Variants in BCAS3 observed in about 807,000 individuals in gnomAD.
BCAS3 encodes BCAS3 microtubule associated cell migration factor, also known as BCAS4/BCAS3 fusion.
Under a neutral mutation model 116.1 loss-of-function variants are expected in BCAS3, and 53 were observed. That is an observed-to-expected ratio of 0.46 (90% CI 0.37 to 0.57). The LOEUF (loss-of-function observed/expected upper bound fraction) is 0.57. BCAS3 is among the 20% of genes least tolerant of loss of function. BCAS3 has a pLI of 0.00. For synonymous variants in BCAS3, 391 were observed against 408.2 expected (o/e 0.96, Z 0.51); for missense variants, 917 against 1,165.4 (o/e 0.79, Z 3.10).
At chr17:60,776,590 G>A (rs946406938) in intron 6 of BCAS3, among the ~76,000 whole-genome samples, 2 of 151,892 alleles carry the variant, frequency 1.3e-5, no homozygotes, top group Admixed American at 6.6e-5. Context: ...ATGGTGGCGT[G>A]CACCTGTAAT....
Position 61,026,921 on chromosome 17 carries a change from G to T in BCAS3, c.1638-7745G>T, listed in dbSNP as rs1229948663. The T allele has an allele frequency of 1.3e-6, 2 of 1,597,798 alleles. No homozygotes were observed. Among genetic ancestry groups the T allele is most frequent in the Non-Finnish European group, 1.7e-6 (2 of 1,170,870 alleles). ...CATAAAAGCCCCATGGTGAGTTCCA[G>T]TTCAGTCCCGCATGCCTCATTCATT... On this transcript the variant is annotated intron_variant, in intron 16 of 23. Coordinates refer to ENST00000407086, the MANE Select transcript of BCAS3 (RefSeq NM_017679.5). The surrounding 1 kb of genome is among the most constrained non-coding windows in gnomAD (Gnocchi z 5.0).
intron 6 of BCAS3, among the ~76,000 whole-genome samples, chr17:60,772,257 G>A (rs1169857184): frequency 6.6e-6 from 1 of 152,032 alleles, no homozygotes; most frequent in African/African-American, 2.4e-5. Flanking sequence ...TCTAACTGGT[G>A]TGAGATGGTA....
In BCAS3 at chr17:61,302,401, C is replaced by T. The variant is rs919687577; in HGVS notation, c.2426-65926C>T. On this transcript the variant is annotated intron_variant, in intron 22 of 23. Coordinates refer to ENST00000407086, the MANE Select transcript of BCAS3 (RefSeq NM_017679.5). The surrounding 1 kb of genome is among the most constrained non-coding windows in gnomAD (Gnocchi z 4.4). ...TAGAATCTTCAACATGCTAACCACACTATTCCAATAATGAAATGCAAATTT... is the reference window on the plus strand; with the variant it reads ...TAGAATCTTCAACATGCTAACCACATTATTCCAATAATGAAATGCAAATTT... Among the ~76,000 whole-genome samples the T allele has an allele frequency of 6.6e-6, 1 of 152,168 alleles. No individual in the cohort carries two copies. Among genetic ancestry groups the T allele is most frequent in the African/African-American group, 2.4e-5 (1 of 41,426 alleles).
In BCAS3 at chr17:61,198,039, A is replaced by C. The variant is rs1225351835; in HGVS notation, c.2425+113475A>C. ...TAAGCTTGTTGGGGGCAAGAAAAGT[A>C]GGTCATCTTCATGTTTATATCCACT... On this transcript the variant is annotated intron_variant, in intron 22 of 23. Coordinates refer to ENST00000407086, the MANE Select transcript of BCAS3 (RefSeq NM_017679.5). The surrounding 1 kb of genome is among the most constrained non-coding windows in gnomAD (Gnocchi z 5.0). 6.6e-6 allele frequency among the ~76,000 whole-genome samples: 1 copy of C among 152,152 alleles called. No individual in the cohort carries two copies.
In BCAS3 at chr17:61,368,153, T is replaced by G; in HGVS notation, c.2426-174T>G. The G allele has an allele frequency of 8.5e-6, 5 of 585,504 alleles. No individual in the cohort carries two copies. The highest frequency in any genetic ancestry group is 1.2e-5 in the Non-Finnish European group (4 of 347,666). 36.3% of individuals were successfully genotyped at this position (585,504 alleles called of 1,614,324 possible). On this transcript the variant is annotated intron_variant, in intron 22 of 23. Transcript: ENST00000407086. The surrounding 1 kb of genome is among the most constrained non-coding windows in gnomAD (Gnocchi z 6.0). Reference sequence around the variant, plus strand: ...AGTCACTCCAGAGGTCTGCACTCTCTCAGCGGCATGAGCTATTTCTCCTGC... The same window carrying G: ...AGTCACTCCAGAGGTCTGCACTCTCGCAGCGGCATGAGCTATTTCTCCTGC...
chr17:61,230,605 T>G (rs762106519), intron 22 of BCAS3, among the ~76,000 whole-genome samples: 1 of 152,218 alleles, frequency 6.6e-6, no homozygotes, highest in Non-Finnish European at 1.5e-5. Flanking sequence ...GGCCTCCAGT[T>G]CCATCCACGT....
At position 60,872,252 on chromosome 17, in the gene BCAS3, C is replaced by T. The variant is rs563464651; in HGVS notation, c.585-2410C>T. Among the ~76,000 whole-genome samples the T allele has an allele frequency of 1.1e-3, 170 of 151,456 alleles. 1 individual carries two copies. Among genetic ancestry groups the T allele is most frequent in the African/African-American group, 3.5e-3 (144 of 41,284 alleles). On this transcript the variant is annotated intron_variant, in intron 8 of 23. Coordinates refer to ENST00000407086, the MANE Select transcript of BCAS3 (RefSeq NM_017679.5). ...TGAGAAGGAATGAGAATATTATATGCGTGTATGTGTATATAGTGTGTGTAT... is the reference window on the plus strand; with the variant it reads ...TGAGAAGGAATGAGAATATTATATGTGTGTATGTGTATATAGTGTGTGTAT...
chr17:61,257,206 G>C (rs1181123487), intron 22 of BCAS3, among the ~76,000 whole-genome samples: 1 of 152,042 alleles, frequency 6.6e-6, no homozygotes, highest in Admixed American at 6.6e-5. Flanking sequence ...CAGATCACGA[G>C]GTCAGGAGTT....
At chr17:60,783,823 A>G (rs144621994) in intron 6 of BCAS3, among the ~76,000 whole-genome samples, 2 of 152,302 alleles carry the variant, frequency 1.3e-5, no homozygotes, top group African/African-American at 2.4e-5. Context: ...AGTATAAACT[A>G]TGAGATAATG....
chr17:60,993,348 G>A lies in BCAS3; in HGVS notation c.1486+3113G>A, dbSNP rs148902026. Among the ~76,000 whole-genome samples, 95 of 152,144 alleles carry A rather than the reference G, an allele frequency of 6.2e-4. No individual in the cohort carries two copies. Among genetic ancestry groups the A allele is most frequent in the Non-Finnish European group, 9.6e-4 (65 of 68,002 alleles). On this transcript the variant is annotated intron_variant, in intron 15 of 23. Coordinates refer to ENST00000407086, the MANE Select transcript of BCAS3 (RefSeq NM_017679.5). This position sits in a 1 kb window ranked among gnomAD's most constrained non-coding sequence, Gnocchi z 4.2. ...TATATTGTTTTCTCTCAGCTTTATT[G>A]CTTTCATGTCTCTCTGCATGTTTTT... is the stretch of plus-strand genomic sequence containing the variant.
chr17:61,230,959 CTTTTTTTTTTTT>C (rs763299746), intron 22 of BCAS3, among the ~76,000 whole-genome samples: 1 of 121,854 alleles, frequency 8.2e-6, no homozygotes. Context: ...TAGTTTTTGC[CTTTTTTTTTTTT>C]TTTTTTTTTC....
chr17:60,851,547 T>C (rs2053165466), intron 7 of BCAS3: 1 of 613,928 alleles, frequency 1.6e-6, no homozygotes, highest in Admixed American at 2.4e-5. Context: ...TACATGTTCT[T>C]CACGGGGTGA....
rs1303704601 is a variant in BCAS3, at chr17:61,326,383, G to A, written c.2426-41944G>A. Among the ~76,000 whole-genome samples, 1 of 152,198 alleles carries A rather than the reference G, an allele frequency of 6.6e-6. No homozygotes were observed. Among genetic ancestry groups the A allele is most frequent in the Non-Finnish European group, 1.5e-5 (1 of 68,034 alleles). The stretch of plus-strand genomic sequence containing the variant: ...CGGGACAATAGCCTGGGGTGACTGT[G>A]GGGTCTTGCTGCTCATGTGGACTTT... On this transcript the variant is annotated intron_variant, in intron 22 of 23. Transcript: ENST00000407086. The surrounding 1 kb of genome is among the most constrained non-coding windows in gnomAD (Gnocchi z 5.3).
intron 6 of BCAS3, among the ~76,000 whole-genome samples, chr17:60,774,408 T>C (rs1410618081): frequency 6.6e-6 from 1 of 152,244 alleles, no homozygotes; most frequent in Non-Finnish European, 1.5e-5. Flanking sequence ...GGAATTTTAA[T>C]GTGGTTATCT....
chr17:60,968,859 G>T (rs957389873), intron 14 of BCAS3, among the ~76,000 whole-genome samples: 1 of 152,118 alleles, frequency 6.6e-6, no homozygotes, highest in African/African-American at 2.4e-5. Context: ...TGTCCTCAGG[G>T]TTGTTTCTCC....
At position 60,818,913 on chromosome 17, in the gene BCAS3, G is replaced by A. The variant is rs117827028; in HGVS notation, c.476+10837G>A. On this transcript the variant is annotated intron_variant, in intron 7 of 23. Transcript: ENST00000407086. ...TTAGCATACCAGGTGATCCAATAAC[G>A]TAGATGATCTATGGGGCTCTGGGCT... is the stretch of plus-strand genomic sequence containing the variant. Among the ~76,000 whole-genome samples the A allele has an allele frequency of 4.1e-4, 63 of 152,174 alleles. 1 individual carries two copies. In the East Asian group the frequency reaches 0.012, roughly 28 times the overall value.
chr17:60,700,073 C>T (rs2036181582), intron 4 of BCAS3, among the ~76,000 whole-genome samples: 1 of 151,740 alleles, frequency 6.6e-6, no homozygotes, highest in African/African-American at 2.4e-5. Context: ...ACATGGGAGG[C>T]TGAGGCAAGA....
At chr17:61,386,751 C>T (rs1356027935) in intron 23 of BCAS3, among the ~76,000 whole-genome samples, 2 of 151,946 alleles carry the variant, frequency 1.3e-5, no homozygotes, top group Admixed American at 1.3e-4. Flanking sequence ...GAACACCAAG[C>T]CCAAAGCAGG....
At chr17:60,722,001 T>C (rs954621041) in intron 5 of BCAS3, among the ~76,000 whole-genome samples, 12 of 152,196 alleles carry the variant, frequency 7.9e-5, no homozygotes, top group Non-Finnish European at 1.5e-4. Context: ...CTCTTAACAT[T>C]ATGACTGTAA....
Sources: allele counts gnomAD v4.1 joint callset (sites outside exome capture counted in the v4.1 genomes callset), GRCh38; gene constraint gnomAD v4.1.1; non-coding constraint Gnocchi (gnomAD v3.1); transcripts MANE v1.5; gene names NCBI Gene and HGNC (gene_info 2026-07-23, HGNC 2026-07-21).